Variants in ASAP1 observed in about 807,000 individuals in gnomAD.
ASAP1 encodes ArfGAP with SH3 domain, ankyrin repeat and PH domain 1.
ASAP1 carries 43 observed loss-of-function variants against 145.2 expected under a neutral mutation model. The ratio of observed to expected loss-of-function variants is 0.30; its 90% CI spans 0.23 to 0.38. The LOEUF is 0.38. Ranked by LOEUF, ASAP1 falls within the 10% of genes least tolerant of loss-of-function variation. The pLI is 1.00. For missense variants in ASAP1, 1,018 were observed against 1,355.3 expected (o/e 0.75, Z 3.91); for synonymous variants, 546 against 515.5 (o/e 1.06, Z -0.80).
intron 4 of ASAP1, among the ~76,000 whole-genome samples, chr8:130,228,492 G>C (rs1383755401): frequency 6.6e-6 from 1 of 152,006 alleles, no homozygotes; most frequent in Non-Finnish European, 1.5e-5. Context: ...CTTGAGCCCA[G>C]GCGGTCAAGA....
At chr8:130,282,662 G>A (rs1344101358) in intron 3 of ASAP1, among the ~76,000 whole-genome samples, 1 of 152,126 alleles carries the variant, frequency 6.6e-6, no homozygotes, top group East Asian at 1.9e-4. Context: ...CACTGATTTG[G>A]CAATTACCCA....
intron 1 of ASAP1, among the ~76,000 whole-genome samples, chr8:130,434,343 A>G: frequency 6.6e-6 from 1 of 151,592 alleles, no homozygotes; most frequent in Non-Finnish European, 1.5e-5. Context: ...TCAAAAAAGA[A>G]AAAAAAAATC....
Position 130,315,534 on chromosome 8 carries a change from T to A in ASAP1, c.186+42483A>T, listed in dbSNP as rs559800653. On this transcript the variant is annotated intron_variant, in intron 3 of 29. Transcript: ENST00000518721. ...GAGCAGAGCATAAGGAAGAGGCTCC[T>A]CTTCCTTTCTCTAAGGAGAAGAGGC... Among the ~76,000 whole-genome samples, 3 of 152,314 alleles carry A rather than the reference T, an allele frequency of 2.0e-5. No individual in the cohort carries two copies. The East Asian group carries it at 5.8e-4, about 29-fold the overall frequency.
chr8:130,215,316 G>A (rs534588547), intron 4 of ASAP1, among the ~76,000 whole-genome samples: 1 of 152,148 alleles, frequency 6.6e-6, no homozygotes, highest in Admixed American at 6.5e-5. Context: ...AACTATGATT[G>A]ACTGGGTATG....
At chr8:130,235,507 A>G (rs896122639) in intron 4 of ASAP1, among the ~76,000 whole-genome samples, 1 of 152,138 alleles carries the variant, frequency 6.6e-6, no homozygotes, top group African/African-American at 2.4e-5. Context: ...AGTATCAAAC[A>G]TAAGGGCCTA....
At chr8:130,136,171 A>G (rs1263771200) in intron 14 of ASAP1, among the ~76,000 whole-genome samples, 1 of 152,174 alleles carries the variant, frequency 6.6e-6, no homozygotes, top group Non-Finnish European at 1.5e-5. Context: ...CCTCTCAGCT[A>G]CAGTGTGGGT....
chr8:130,275,477 AC>A (rs1310598475), intron 3 of ASAP1, among the ~76,000 whole-genome samples: 1 of 151,926 alleles, frequency 6.6e-6, no homozygotes, highest in African/African-American at 2.4e-5. Flanking sequence ...GCGCCTGCAC[AC>A]AAAAGCTCTC....
chr8:130,315,523 GA>G (rs1823613405), intron 3 of ASAP1, among the ~76,000 whole-genome samples: 2 of 152,194 alleles, frequency 1.3e-5, no homozygotes, highest in African/African-American at 4.8e-5. Context: ...AGAGCATAAG[GA>G]AGAGGCTCCT....
At chr8:130,185,543 A>G (rs1347526110) in intron 7 of ASAP1, among the ~76,000 whole-genome samples, 1 of 152,058 alleles carries the variant, frequency 6.6e-6, no homozygotes, top group African/African-American at 2.4e-5. Context: ...CCTGGCCAAA[A>G]TGGTGAAACT....
At chr8:130,160,711 G>T in intron 11 of ASAP1, 2 of 999,400 alleles carry the variant, frequency 2.0e-6, no homozygotes, top group Non-Finnish European at 2.7e-6. Flanking sequence ...CAACAACGTT[G>T]AACTGCAGAA....
At chr8:130,141,663 T>C (rs2097611882) in intron 13 of ASAP1, among the ~76,000 whole-genome samples, 1 of 152,144 alleles carries the variant, frequency 6.6e-6, no homozygotes, top group Non-Finnish European at 1.5e-5. Flanking sequence ...TGTCCTACCT[T>C]AGCCTTCCCA....
intron 3 of ASAP1, chr8:130,340,942 A>AG (rs1345234305): frequency 2.2e-6 from 1 of 448,922 alleles, no homozygotes; most frequent in African/African-American, 2.0e-5. Context: ...ATAAAATACT[A>AG]GGTTTTTTTT....
chr8:130,313,622 A>G (rs751797563), intron 3 of ASAP1, among the ~76,000 whole-genome samples: 2 of 152,196 alleles, frequency 1.3e-5, no homozygotes, highest in Non-Finnish European at 2.9e-5. Flanking sequence ...CACATAATCA[A>G]CGTCCTCACA....
chr8:130,303,713 A>C (rs1247610534), intron 3 of ASAP1, among the ~76,000 whole-genome samples: 1 of 152,186 alleles, frequency 6.6e-6, no homozygotes, highest in Non-Finnish European at 1.5e-5. Flanking sequence ...TGACATTCTG[A>C]AAAAGGCAAA....
rs142175293 is a variant in ASAP1, at chr8:130,105,830, T to C, written c.2401+6264A>G. 3.2e-3 allele frequency among the ~76,000 whole-genome samples: 494 copies of C among 152,306 alleles called. 1 individual carries two copies. Among genetic ancestry groups the C allele is most frequent in the African/African-American group, 0.011 (445 of 41,556 alleles). ...GTGCCCGGGCATGATATGTGCCACA[T>C]TGCTCTGTCAACTGACTTCCACACA... On this transcript the variant is annotated intron_variant, in intron 24 of 29. Coordinates refer to ENST00000518721, the MANE Select transcript of ASAP1 (RefSeq NM_018482.4).
chr8:130,203,084 T>A (rs1423017693), intron 5 of ASAP1, among the ~76,000 whole-genome samples: 1 of 151,896 alleles, frequency 6.6e-6, no homozygotes, highest in Non-Finnish European at 1.5e-5. Context: ...GAAGTGAATT[T>A]GAATTAAAAA....
At chr8:130,341,225 G>A (rs1167510389) in intron 3 of ASAP1, among the ~76,000 whole-genome samples, 2 of 151,996 alleles carry the variant, frequency 1.3e-5, no homozygotes, top group South Asian at 4.2e-4. Flanking sequence ...CGCCAGGAAG[G>A]CCACCCTGTT....
At chr8:130,275,314 G>A (rs1362162201) in intron 3 of ASAP1, among the ~76,000 whole-genome samples, 1 of 152,216 alleles carries the variant, frequency 6.6e-6, no homozygotes. Context: ...GCTTTCCACA[G>A]GTCAAAGAGA....
chr8:130,417,162 GCA>G (rs1023139874), intron 1 of ASAP1, among the ~76,000 whole-genome samples: 2 of 87,416 alleles, frequency 2.3e-5, no homozygotes, highest in East Asian at 2.2e-4. Flanking sequence ...ATGTACAACT[GCA>G]CACACACAGA....
Sources: allele counts gnomAD v4.1 joint callset (sites outside exome capture counted in the v4.1 genomes callset), GRCh38; gene constraint gnomAD v4.1.1; transcripts MANE v1.5; gene names NCBI Gene and HGNC (gene_info 2026-07-23, HGNC 2026-07-21).